C12orf56: variants seen among roughly 807,000 people sequenced by gnomAD.
The protein encoded by C12orf56 is chromosome 12 open reading frame 56.
Under a neutral mutation model 69.9 loss-of-function variants are expected in C12orf56, and 71 were observed. The observed-to-expected ratio is 1.02, with a 90% CI of 0.84 to 1.24. The LOEUF (loss-of-function observed/expected upper bound fraction) is 1.24, where lower values mean the gene tolerates loss of function less well. Ranked by LOEUF, C12orf56 falls within the 50% of genes most tolerant of loss-of-function variation. C12orf56 has a pLI of 0.00. For synonymous variants in C12orf56, 276 were observed against 274.1 expected (o/e 1.01, Z -0.07); for missense variants, 732 against 738.5 (o/e 0.99, Z 0.10).
chr12:64,369,595 C>T (rs1014728492), intron 1 of C12orf56, among the ~76,000 whole-genome samples: 7 of 152,156 alleles, frequency 4.6e-5, no homozygotes, highest in Non-Finnish European at 1.5e-5. Flanking sequence ...GATGGGAACA[C>T]AATGTATAAA....
chr12:64,342,250 C>T (rs12830786), intron 2 of C12orf56, among the ~76,000 whole-genome samples: 3,685 of 152,332 alleles, frequency 0.024, 70 homozygotes, highest in Non-Finnish European at 0.041. Context: ...AGTATGCAAT[C>T]GTACATCTGG....
chr12:64,386,855 G>C lies in C12orf56; in HGVS notation c.252+3459C>G, dbSNP rs180942393. Among the ~76,000 whole-genome samples the C allele has an allele frequency of 7.6e-3, 997 of 132,040 alleles. 5 individuals carry two copies. The highest frequency in any genetic ancestry group is 0.05 in the Middle Eastern group (13 of 260). The allele number at this position is 132,040 out of a possible 152,430, so 86.6% of individuals were successfully genotyped here. On this transcript the variant is annotated intron_variant, in intron 1 of 12. Transcript: ENST00000543942. ...CATAAACACATCTTTAAAAGTGTAA[G>C]AGGCCAGGTGGTCAGGAGTTTGAGA...
chr12:64,309,824 C>A (rs748191860), intron 5 of C12orf56, among the ~76,000 whole-genome samples: 1 of 152,040 alleles, frequency 6.6e-6, no homozygotes, highest in Non-Finnish European at 1.5e-5. Context: ...CATACTCACA[C>A]TTTTGAGTCA....
chr12:64,336,807 G>A (rs1158362344), intron 2 of C12orf56, among the ~76,000 whole-genome samples: 1 of 152,132 alleles, frequency 6.6e-6, no homozygotes, highest in Admixed American at 6.6e-5. Context: ...GAAGTAGAAG[G>A]GCCTATCCAG....
intron 2 of C12orf56, among the ~76,000 whole-genome samples, chr12:64,339,927 G>A (rs568914078): frequency 3.3e-5 from 5 of 151,988 alleles, no homozygotes; most frequent in African/African-American, 1.2e-4. Context: ...TGTCCAGGTG[G>A]ATATGATAAC....
At chr12:64,387,101 A>AAAAAAAAAAAAAAAAAAAAAAAAAAC (rs2039804275) in intron 1 of C12orf56, among the ~76,000 whole-genome samples, 1 of 142,860 alleles carries the variant, frequency 7.0e-6, no homozygotes, top group Non-Finnish European at 1.5e-5. Context: ...AAAAAAAAAA[A>AAAAAAAAAAAAAAAAAAAAAAAAAAC]AAAAAAAAAG....
chr12:64,353,485 A>G (rs1464561958), intron 1 of C12orf56, among the ~76,000 whole-genome samples: 1 of 149,724 alleles, frequency 6.7e-6, no homozygotes, highest in Non-Finnish European at 1.5e-5. Flanking sequence ...TTTCCCCTTC[A>G]TTTTATCCAC....
At chr12:64,333,745 G>A (rs894808780) in intron 2 of C12orf56, among the ~76,000 whole-genome samples, 5 of 152,046 alleles carry the variant, frequency 3.3e-5, no homozygotes, top group Admixed American at 6.5e-5. Context: ...CAAGTGATCC[G>A]CCCACCTTGG....
At chr12:64,340,694 A>C (rs551365183) in intron 2 of C12orf56, among the ~76,000 whole-genome samples, 1 of 152,336 alleles carries the variant, frequency 6.6e-6, no homozygotes, top group South Asian at 2.1e-4. Flanking sequence ...ACATGTTTTT[A>C]ACGAAAGAAG....
chr12:64,370,023 A>G (rs1392665948), intron 1 of C12orf56, among the ~76,000 whole-genome samples: 1 of 151,086 alleles, frequency 6.6e-6, no homozygotes, highest in Non-Finnish European at 1.5e-5. Flanking sequence ...AATCCAAACT[A>G]GAGTGTTACA....
chr12:64,364,389 T>C (rs1436063131), intron 1 of C12orf56, among the ~76,000 whole-genome samples: 3 of 152,208 alleles, frequency 2.0e-5, no homozygotes, highest in Admixed American at 6.5e-5. Flanking sequence ...AGGTTTATCC[T>C]GACAATGTGA....
chr12:64,375,945 C>T (rs2039634083), intron 1 of C12orf56, among the ~76,000 whole-genome samples: 2 of 152,022 alleles, frequency 1.3e-5, no homozygotes, highest in East Asian at 3.9e-4. Context: ...CCAACCTGCA[C>T]TGAAAAAAAG....
Position 64,284,886 on chromosome 12 carries a change from G to T in C12orf56, c.1221-133C>A, listed in dbSNP as rs2038179450. The T allele has an allele frequency of 1.2e-5, 8 of 640,662 alleles. No individual in the cohort carries two copies. In the Admixed American group the frequency reaches 1.6e-4, roughly 13 times the overall value. The allele number at this position is 640,662 out of a possible 1,614,324, so 39.7% of individuals were successfully genotyped here. ...GAAAAAAGTACAGGAAATAAATTTTGTACATCAAATTGCTAACATTGGTTA... is the reference window on the plus strand; with the variant it reads ...GAAAAAAGTACAGGAAATAAATTTTTTACATCAAATTGCTAACATTGGTTA... On this transcript the variant is annotated intron_variant, in intron 7 of 12. Transcript: ENST00000543942.
intron 1 of C12orf56, among the ~76,000 whole-genome samples, chr12:64,365,563 T>C (rs1215557700): frequency 6.6e-6 from 1 of 151,108 alleles, no homozygotes; most frequent in Non-Finnish European, 1.5e-5. Flanking sequence ...GACCAGAGAT[T>C]CAAAATGAAG....
intron 2 of C12orf56, among the ~76,000 whole-genome samples, chr12:64,342,163 C>G (rs1248764108): frequency 6.6e-6 from 1 of 152,244 alleles, no homozygotes; most frequent in Non-Finnish European, 1.5e-5. Context: ...CACCAATTTT[C>G]CAATAATGCT....
chr12:64,328,727 A>AAG (rs1256276474), intron 3 of C12orf56, among the ~76,000 whole-genome samples: 2 of 95,330 alleles, frequency 2.1e-5, no homozygotes, highest in African/African-American at 3.9e-5. Context: ...ATATATATAT[A>AAG]TATATATATA....
chr12:64,389,001 T>A (rs1044915012), intron 1 of C12orf56: 2 of 152,202 alleles, frequency 1.3e-5, no homozygotes, highest in Non-Finnish European at 2.9e-5. Flanking sequence ...AAAAATCTTT[T>A]TTTTTCATTT....
At chr12:64,310,077 G>A (rs1029313925) in intron 5 of C12orf56, among the ~76,000 whole-genome samples, 1 of 151,464 alleles carries the variant, frequency 6.6e-6, no homozygotes. Flanking sequence ...GAGTGCGGCG[G>A]TGCAATCGCA....
At chr12:64,287,261 A>AAAG (rs1170967895) in intron 6 of C12orf56, among the ~76,000 whole-genome samples, 817 of 67,054 alleles carry the variant, frequency 0.012, 24 homozygotes, top group Middle Eastern at 0.044. Flanking sequence ...AAAAAAAAAA[A>AAAG]AAGAAGAAGA....
Sources: gnomAD v4.1 joint callset for allele counts (sites outside exome capture counted in the v4.1 genomes callset) on GRCh38, gnomAD v4.1.1 for gene constraint, MANE v1.5 for transcripts, NCBI Gene and HGNC (gene_info 2026-07-23, HGNC 2026-07-21) for gene names.